Variants in TRERF1 observed in about 807,000 individuals in gnomAD.
The protein encoded by TRERF1 is transcriptional regulating factor 1, also known as transcriptional-regulating factor 1.
In TRERF1, 27 loss-of-function variants were observed where a neutral mutation model predicts 122.9. The ratio of observed to expected loss-of-function variants is 0.22; its 90% CI spans 0.16 to 0.30. TRERF1 has a LOEUF of 0.30. TRERF1 is among the 10% of genes least tolerant of loss of function. The pLI is 1.00. For missense variants in TRERF1, 1,248 were observed against 1,560.3 expected (o/e 0.80, Z 3.37); for synonymous variants, 636 against 641.7 (o/e 0.99, Z 0.13).
chr6:42,394,989 C>T lies in TRERF1; in HGVS notation c.-453-31910G>A, dbSNP rs543997290. ...CCACCAGGCAAACTGTACCCAGCCA[C>T]ATTCTCTGAAATGAAGTCATAAAAT... On this transcript the variant is annotated intron_variant, in intron 2 of 17. Transcript: ENST00000372922. 5.3e-5 allele frequency among the ~76,000 whole-genome samples: 8 copies of T among 152,364 alleles called. 2 individuals are homozygous for T. Among genetic ancestry groups the T allele is most frequent in the African/African-American group, 1.7e-4 (7 of 41,582 alleles).
At chr6:42,375,997 T>TCCC (rs1035335125) in intron 2 of TRERF1, among the ~76,000 whole-genome samples, 1 of 151,878 alleles carries the variant, frequency 6.6e-6, no homozygotes, top group Non-Finnish European at 1.5e-5. Context: ...AGTCACAATG[T>TCCC]CCCCCCTTTA....
chr6:42,248,194 C>T (rs1271911804), intron 13 of TRERF1, among the ~76,000 whole-genome samples: 1 of 152,154 alleles, frequency 6.6e-6, no homozygotes, highest in African/African-American at 2.4e-5. Context: ...CATAAACTCA[C>T]ATTTCTGAAA....
At chr6:42,243,584 T>A (rs1362737967) in intron 14 of TRERF1, among the ~76,000 whole-genome samples, 1 of 146,156 alleles carries the variant, frequency 6.8e-6, no homozygotes, top group African/African-American at 2.5e-5. Context: ...CATTCCAGAT[T>A]TTTTTTTTTT....
At chr6:42,416,841 T>C (rs1272270764) in intron 2 of TRERF1, among the ~76,000 whole-genome samples, 1 of 152,238 alleles carries the variant, frequency 6.6e-6, no homozygotes, top group Non-Finnish European at 1.5e-5. Context: ...TCTCCATTTC[T>C]TCTATGGTAA....
At chr6:42,395,320 G>A (rs1464867363) in intron 2 of TRERF1, among the ~76,000 whole-genome samples, 1 of 152,210 alleles carries the variant, frequency 6.6e-6, no homozygotes, top group African/African-American at 2.4e-5. Flanking sequence ...CCCAAGATGG[G>A]GGTAGAGCAG....
At chr6:42,399,535 T>C (rs1779096938) in intron 2 of TRERF1, among the ~76,000 whole-genome samples, 1 of 152,100 alleles carries the variant, frequency 6.6e-6, no homozygotes, top group Admixed American at 6.5e-5. Flanking sequence ...AACCCAGACC[T>C]TGGAGCGGCT....
At chr6:42,418,832 C>A (rs1323932564) in intron 2 of TRERF1, among the ~76,000 whole-genome samples, 1 of 152,152 alleles carries the variant, frequency 6.6e-6, no homozygotes, top group Non-Finnish European at 1.5e-5. Flanking sequence ...TGGAAACCAC[C>A]CCCTGCATTT....
intron 4 of TRERF1, among the ~76,000 whole-genome samples, chr6:42,298,114 T>C (rs1323427456): frequency 1.3e-5 from 2 of 151,868 alleles, no homozygotes; most frequent in African/African-American, 2.4e-5. Context: ...CATAATAAAT[T>C]AGTTAAATAG....
chr6:42,360,002 C>A (rs991373649), intron 3 of TRERF1, among the ~76,000 whole-genome samples: 1 of 152,006 alleles, frequency 6.6e-6, no homozygotes, highest in African/African-American at 2.4e-5. Flanking sequence ...TATTTTAATA[C>A]CTTTATTTAC....
rs994613767 is a variant in TRERF1 at position 42,412,293 on chromosome 6, G to A, written c.-454+38884C>T. Among the ~76,000 whole-genome samples, 8 of 152,216 alleles carry A rather than the reference G, an allele frequency of 5.3e-5. No individual in the cohort carries two copies. The South Asian group carries it at 6.2e-4, about 12-fold the overall frequency. ...TGGGATTACAGGCGTGAGCCACCAC[G>A]CCCAGCCTAAAGAAATCTTTAAAAA... On this transcript the variant is annotated intron_variant, in intron 2 of 17. Coordinates refer to ENST00000372922, the Ensembl canonical transcript of TRERF1.
intron 3 of TRERF1, among the ~76,000 whole-genome samples, chr6:42,324,151 C>T (rs977605611): frequency 1.3e-5 from 2 of 152,094 alleles, no homozygotes; most frequent in East Asian, 1.9e-4. Context: ...AATGCAATCC[C>T]GTTTACAACA....
intron 15 of TRERF1, among the ~76,000 whole-genome samples, chr6:42,239,879 C>T (rs1286611480): frequency 6.6e-6 from 1 of 151,818 alleles, no homozygotes; most frequent in Admixed American, 6.6e-5. Flanking sequence ...TTTTGTGGGC[C>T]TGAGTCATCT....
intron 2 of TRERF1, among the ~76,000 whole-genome samples, chr6:42,415,854 G>A (rs2151497741): frequency 6.6e-6 from 1 of 151,982 alleles, no homozygotes; most frequent in African/African-American, 2.4e-5. Context: ...CTTAGAACCA[G>A]CTTTTCTACA....
At chr6:42,339,595 C>T (rs994244460) in intron 3 of TRERF1, among the ~76,000 whole-genome samples, 1 of 152,198 alleles carries the variant, frequency 6.6e-6, no homozygotes, top group Non-Finnish European at 1.5e-5. Flanking sequence ...CTTTTCTGAG[C>T]TAATAAAAGC....
intron 4 of TRERF1, among the ~76,000 whole-genome samples, chr6:42,273,101 A>G (rs1016822133): frequency 5.9e-5 from 9 of 152,110 alleles, no homozygotes; most frequent in Non-Finnish European, 1.3e-4. Context: ...CAAACTACAC[A>G]TTCTCAGAAA....
chr6:42,274,710 AAGAG>A lies in TRERF1; in HGVS notation c.-258-4866_-258-4863del, dbSNP rs34266219. Among the ~76,000 whole-genome samples the A allele has an allele frequency of 8.9e-3, 1,350 of 152,218 alleles. 13 individuals are homozygous for A. Among genetic ancestry groups the A allele is most frequent in the African/African-American group, 0.031 (1,285 of 41,522 alleles). On this transcript the variant is annotated intron_variant, in intron 4 of 17. Transcript: ENST00000372922. ...TAAAAATAAAAATAAATTTTAAAAA[AAGAG>A]AGAGAGAAAGAGAAAATGATTTTTC...
intron 15 of TRERF1, among the ~76,000 whole-genome samples, chr6:42,238,369 TC>T (rs1772769969): frequency 6.6e-6 from 1 of 152,240 alleles, no homozygotes; most frequent in Non-Finnish European, 1.5e-5. Flanking sequence ...ATTATGTATG[TC>T]TCAGGAATTT....
At chr6:42,245,309 GGAGGCGGAGGC>G (rs1208726462) in intron 14 of TRERF1, among the ~76,000 whole-genome samples, 1 of 152,226 alleles carries the variant, frequency 6.6e-6, no homozygotes, top group Non-Finnish European at 1.5e-5. Context: ...ATGCAGAGAT[GGAGGCGGAGGC>G]GAGGCGGAGG....
chr6:42,404,834 G>T (rs1309104692), intron 2 of TRERF1, among the ~76,000 whole-genome samples: 1 of 152,146 alleles, frequency 6.6e-6, no homozygotes, highest in Non-Finnish European at 1.5e-5. Context: ...TTTTCTTTGT[G>T]TTCATCAAAA....
Sources: gnomAD v4.1 joint callset for allele counts (sites outside exome capture counted in the v4.1 genomes callset) on GRCh38, gnomAD v4.1.1 for gene constraint, MANE v1.5 for transcripts, NCBI Gene and HGNC (gene_info 2026-07-23, HGNC 2026-07-21) for gene names.